The following DPH6 variants were observed in gnomAD, a reference collection of about 807,000 sequenced individuals.
DPH6 encodes diphthine--ammonia ligase.
In DPH6, 33 loss-of-function variants were observed where a neutral mutation model predicts 38.2. The ratio of observed to expected loss-of-function variants is 0.86; its 90% CI spans 0.65 to 1.15. The LOEUF (loss-of-function observed/expected upper bound fraction) is 1.15, where lower values mean the gene tolerates loss of function less well. DPH6 is among the 50% of genes most tolerant of loss of function. The probability of loss-of-function intolerance (pLI) is 0.00; values close to 1 mark genes in which losing one functional copy is unlikely to be tolerated. For missense variants in DPH6, 325 were observed against 320.0 expected (o/e 1.02, Z -0.12); for synonymous variants, 108 against 103.0 (o/e 1.05, Z -0.30).
chr15:35,444,898 T>C (rs80343173), intron 5 of DPH6, among the ~76,000 whole-genome samples: 1 of 147,490 alleles, frequency 6.8e-6, no homozygotes, highest in Non-Finnish European at 1.5e-5. Context: ...TTACTAAAAA[T>C]GCCTTCAGAA....
At chr15:35,173,277 TG>T in the DPH6 span, among the ~76,000 whole-genome samples, 1 of 152,364 alleles carries the variant, frequency 6.6e-6, no homozygotes, top group East Asian at 1.9e-4. Context: ...GCTGTAGAAC[TG>T]GGTCTTACCT....
intron 3 of DPH6, among the ~76,000 whole-genome samples, chr15:35,338,746 G>A (rs9672943): frequency 0.33 from 49,492 of 151,914 alleles, 8,951 homozygotes; most frequent in African/African-American, 0.49. Context: ...TGTTTATTGC[G>A]GCACTATTCA....
intron 4 of DPH6, among the ~76,000 whole-genome samples, chr15:35,452,172 T>G (rs1566915097): frequency 6.9e-6 from 1 of 145,116 alleles, no homozygotes; most frequent in Non-Finnish European, 1.5e-5. Flanking sequence ...TACCACTCAC[T>G]GCTGCCTGCT....
chr15:35,159,002 T>G, the DPH6 span, among the ~76,000 whole-genome samples: 2 of 152,044 alleles, frequency 1.3e-5, no homozygotes, highest in African/African-American at 2.4e-5. Context: ...ATTTACTGAT[T>G]TTAAATGGGC....
chr15:35,470,083 C>A (rs4923999), intron 3 of DPH6, among the ~76,000 whole-genome samples: 136,383 of 152,178 alleles, frequency 0.9, 61,260 homozygotes, highest in East Asian at 1. Flanking sequence ...CTGTAATCCC[C>A]GCTACTCAGG....
chr15:35,373,551 T>C lies in DPH6; in HGVS notation c.720A>G (p.Leu240=). The C allele has an allele frequency of 1.2e-6, 2 of 1,608,486 alleles. No homozygotes were observed. The highest frequency in any genetic ancestry group is 8.5e-7 in the Non-Finnish European group (1 of 1,177,378). Reference sequence around the variant, plus strand: ...CCTCCAAGTGCAATTCTAAAAAGCGTAGATAAGCCACAGGTGCAAATGCAT... The same window carrying C: ...CCTCCAAGTGCAATTCTAAAAAGCGCAGATAAGCCACAGGTGCAAATGCAT... ...SADAFAPVAY[L]RFLELHLEDK... Residue 240 remains leucine, a synonymous_variant, in exon 8 of 9, where the codon CTA becomes CTG. Transcript: ENST00000256538.
At chr15:35,532,485 T>G (rs1048276565) in intron 3 of DPH6, among the ~76,000 whole-genome samples, 1 of 152,000 alleles carries the variant, frequency 6.6e-6, no homozygotes, top group Non-Finnish European at 1.5e-5. Flanking sequence ...TTGAGGGGGA[T>G]GGAGTGGAGA....
At chr15:35,153,790 C>T in the DPH6 span, among the ~76,000 whole-genome samples, 3 of 152,124 alleles carry the variant, frequency 2.0e-5, no homozygotes, top group South Asian at 6.2e-4. Flanking sequence ...CAAGAGAGCC[C>T]CTCAAAACAT....
intron 3 of DPH6, among the ~76,000 whole-genome samples, chr15:35,510,840 C>T (rs888518235): frequency 2.0e-5 from 3 of 152,060 alleles, no homozygotes; most frequent in African/African-American, 7.3e-5. Flanking sequence ...AACTCTTATG[C>T]CTTAAAATTG....
chr15:35,542,942 AGG>A (rs1399487317), intron 1 of DPH6, among the ~76,000 whole-genome samples: 1 of 66,578 alleles, frequency 1.5e-5, no homozygotes, highest in African/African-American at 5.8e-5. Flanking sequence ...ATTCCACTTA[AGG>A]AATATATATA....
At chr15:35,479,687 A>G (rs1047220181) in intron 3 of DPH6, among the ~76,000 whole-genome samples, 2 of 152,092 alleles carry the variant, frequency 1.3e-5, no homozygotes, top group Non-Finnish European at 2.9e-5. Context: ...CTCCTCTCAC[A>G]TCACAGGGTT....
chr15:35,446,573 G>T (rs1280016248), intron 5 of DPH6, among the ~76,000 whole-genome samples: 2 of 152,012 alleles, frequency 1.3e-5, no homozygotes, highest in Non-Finnish European at 2.9e-5. Context: ...TTATTTTATT[G>T]TAAGAATATA....
chr15:35,414,725 T>C (rs2053414458), intron 5 of DPH6, among the ~76,000 whole-genome samples: 1 of 151,012 alleles, frequency 6.6e-6, no homozygotes, highest in African/African-American at 2.5e-5. Context: ...CTTGGTGAAT[T>C]ACTTTTTCTC....
chr15:35,346,509 CCT>C (rs894245708), intron 3 of DPH6, among the ~76,000 whole-genome samples: 2 of 152,068 alleles, frequency 1.3e-5, no homozygotes, highest in African/African-American at 4.8e-5. Flanking sequence ...ATTTTTACCT[CCT>C]CTCTTTATAT....
intron 3 of DPH6, chr15:35,298,790 A>T: frequency 8.1e-7 from 1 of 1,227,672 alleles, no homozygotes; most frequent in Non-Finnish European, 1.2e-6. Context: ...CGGGTTGGAG[A>T]TCTCGGTCTG....
At chr15:35,309,249 G>A (rs1243274217) in intron 3 of DPH6, among the ~76,000 whole-genome samples, 3 of 152,114 alleles carry the variant, frequency 2.0e-5, no homozygotes, top group Non-Finnish European at 2.9e-5. Context: ...GGCAGTTACC[G>A]TTTTTAGACA....
Position 35,454,748 on chromosome 15 carries a change from C to G in DPH6, c.385G>C (p.Val129Leu). 1 of 1,606,450 alleles carries G rather than the reference C, an allele frequency of 6.2e-7. No homozygotes were observed. Among genetic ancestry groups the G allele is most frequent in the Admixed American group, 1.7e-5 (1 of 59,004 alleles). Residue 129 changes from valine (V) to leucine (L), a missense_variant and splice_region_variant, in exon 4 of 9, where the codon GTG becomes CTG. Val to Leu is a conservative substitution (Grantham distance 32). Transcript: ENST00000256538. ...ACTAACAAATTAATGTTTTCTTACA[C>G]ATTTTCCACTCGAATACGCTGATAG... is the stretch of plus-strand genomic sequence containing the variant. ...SDYQRIRVEN[V>L]CKRLNLQPLA...
At chr15:35,448,370 T>C (rs1397778793) in intron 5 of DPH6, among the ~76,000 whole-genome samples, 2 of 152,196 alleles carry the variant, frequency 1.3e-5, no homozygotes, top group African/African-American at 2.4e-5. Flanking sequence ...TCTTGTGACC[T>C]TGATAATCAA....
At chr15:35,534,012 C>T (rs2055128805) in intron 3 of DPH6, among the ~76,000 whole-genome samples, 1 of 151,684 alleles carries the variant, frequency 6.6e-6, no homozygotes. Flanking sequence ...TATGAAAAGG[C>T]AACCAAAACA....
Sources: gnomAD v4.1 joint callset for allele counts (sites outside exome capture counted in the v4.1 genomes callset) on GRCh38, gnomAD v4.1.1 for gene constraint, MANE v1.5 for transcripts, NCBI Gene and HGNC (gene_info 2026-07-23, HGNC 2026-07-21) for gene names.